SDK1: variants seen among roughly 807,000 people sequenced by gnomAD.
SDK1 encodes sidekick cell adhesion molecule 1, also known as protein sidekick-1.
In SDK1, 157 loss-of-function variants were observed where a neutral mutation model predicts 245.5. The ratio of observed to expected loss-of-function variants is 0.64; its 90% confidence interval spans 0.56 to 0.73. The LOEUF is 0.73. SDK1 is among the 30% of genes least tolerant of loss of function. The pLI, the probability that SDK1 is intolerant of heterozygous loss-of-function variation, is 0.00. For synonymous variants in SDK1, 1,647 were observed against 1,278.5 expected (o/e 1.29, Z -6.15); for missense variants, 3,583 against 3,002.3 (o/e 1.19, Z -4.52).
At chr7:3,820,632 T>C (rs1042589394) in intron 4 of SDK1, among the ~76,000 whole-genome samples, 1 of 152,240 alleles carries the variant, frequency 6.6e-6, no homozygotes, top group African/African-American at 2.4e-5. Flanking sequence ...TGAGAGTCTT[T>C]CTATGGTATG....
chr7:3,520,725 C>G (rs187013726), intron 1 of SDK1, among the ~76,000 whole-genome samples: 6 of 152,084 alleles, frequency 3.9e-5, no homozygotes, highest in African/African-American at 1.4e-4. Context: ...GAGGGTATGT[C>G]GATACTTGAA....
At position 3,678,717 on chromosome 7, in the gene SDK1, A is replaced by G. The variant is rs146014616; in HGVS notation, c.713+36612A>G. Reference sequence around the variant, plus strand: ...CTGGATAGAAATAGTGGTGATATGCACAACACTGTGAATGTACTTAACACT... The same window carrying G: ...CTGGATAGAAATAGTGGTGATATGCGCAACACTGTGAATGTACTTAACACT... On this transcript the variant is annotated intron_variant, in intron 4 of 44. Transcript: ENST00000404826. 3.6e-3 allele frequency among the ~76,000 whole-genome samples: 541 copies of G among 152,346 alleles called. 4 individuals carry two copies. The highest frequency in any genetic ancestry group is 0.012 in the African/African-American group (507 of 41,584).
intron 4 of SDK1, among the ~76,000 whole-genome samples, chr7:3,646,010 CACT>C (rs1365470236): frequency 6.6e-6 from 1 of 152,112 alleles, no homozygotes; most frequent in Non-Finnish European, 1.5e-5. Flanking sequence ...AGGCGCACCC[CACT>C]ATGCCCAGCT....
intron 4 of SDK1, among the ~76,000 whole-genome samples, chr7:3,720,944 A>G (rs995119822): frequency 7.9e-5 from 12 of 152,242 alleles, no homozygotes; most frequent in African/African-American, 2.7e-4. Context: ...GATACACACA[A>G]CTGGGATAGA....
chr7:3,312,922 A>G (rs1779584516), intron 1 of SDK1, among the ~76,000 whole-genome samples: 1 of 152,198 alleles, frequency 6.6e-6, no homozygotes, highest in South Asian at 2.1e-4. Context: ...ATAAAAATAA[A>G]TTCATACCTA....
At chr7:3,912,498 C>T (rs1392573672) in intron 5 of SDK1, among the ~76,000 whole-genome samples, 1 of 152,272 alleles carries the variant, frequency 6.6e-6, no homozygotes, top group Non-Finnish European at 1.5e-5. Flanking sequence ...AGAAGAAAGG[C>T]CAGTGAGAGG....
chr7:3,837,649 A>ATT lies in SDK1; in HGVS notation c.847+16068_847+16069dup, dbSNP rs10659410. On this transcript the variant is annotated intron_variant, in intron 5 of 44. Transcript: ENST00000404826. ...TTCTACATTAGCTGGCTCTGGAAGC[A>ATT]TTTGAGGTATGACCCATGATCCAAT... Among the ~76,000 whole-genome samples the ATT allele has an allele frequency of 7.1e-3, 1,086 of 152,308 alleles. 14 individuals carry two copies. The highest frequency in any genetic ancestry group is 0.024 in the African/African-American group (1,010 of 41,580).
At chr7:4,125,721 C>G (rs544117150) in intron 25 of SDK1, among the ~76,000 whole-genome samples, 2 of 152,328 alleles carry the variant, frequency 1.3e-5, no homozygotes, top group East Asian at 1.9e-4. Context: ...TGCTTTCATT[C>G]TCACTCTAAA....
chr7:4,170,244 C>T (rs60138361), intron 32 of SDK1, among the ~76,000 whole-genome samples: 3,720 of 152,202 alleles, frequency 0.024, 167 homozygotes, highest in African/African-American at 0.084. Flanking sequence ...CCCAGTAGTT[C>T]GAGACCAGCC....
intron 1 of SDK1, among the ~76,000 whole-genome samples, chr7:3,608,632 A>G (rs1781495827): frequency 1.3e-5 from 2 of 152,072 alleles, no homozygotes; most frequent in African/African-American, 4.8e-5. Flanking sequence ...GATATTTTTT[A>G]CATTGTATAA....
chr7:3,846,840 C>A (rs1780291275), intron 5 of SDK1, among the ~76,000 whole-genome samples: 1 of 152,092 alleles, frequency 6.6e-6, no homozygotes, highest in South Asian at 2.1e-4. Flanking sequence ...CAGCCCTCTC[C>A]CCTCTCCACG....
At chr7:3,705,485 T>TTGC (rs1784859804) in intron 4 of SDK1, among the ~76,000 whole-genome samples, 2 of 144,510 alleles carry the variant, frequency 1.4e-5, no homozygotes, top group African/African-American at 5.3e-5. Context: ...TATTTTATTT[T>TTGC]ATTTTATTTT....
intron 35 of SDK1, among the ~76,000 whole-genome samples, chr7:4,195,382 G>A (rs1477305763): frequency 6.6e-6 from 1 of 152,110 alleles, no homozygotes. Flanking sequence ...CTCTGCCCTG[G>A]CTGCTGCAGC....
chr7:3,555,718 C>G (rs1387236092), intron 1 of SDK1, among the ~76,000 whole-genome samples: 6 of 152,066 alleles, frequency 3.9e-5, no homozygotes, highest in East Asian at 1.9e-4. Flanking sequence ...TCAAGCAACT[C>G]TATAGGAAAA....
intron 1 of SDK1, among the ~76,000 whole-genome samples, chr7:3,596,595 C>G (rs1045300891): frequency 6.6e-6 from 1 of 152,222 alleles, no homozygotes; most frequent in African/African-American, 2.4e-5. Flanking sequence ...CAAGTTCCCT[C>G]AGGCCCTTCC....
chr7:4,150,546 G>A (rs982045726), intron 30 of SDK1, among the ~76,000 whole-genome samples: 4 of 152,202 alleles, frequency 2.6e-5, no homozygotes, highest in African/African-American at 4.8e-5. Flanking sequence ...CAGAAAAGTC[G>A]GTCATTTGCT....
chr7:4,237,285 A>G (rs192787307), intron 41 of SDK1, among the ~76,000 whole-genome samples: 64 of 151,928 alleles, frequency 4.2e-4, no homozygotes, highest in South Asian at 4.2e-4. Context: ...TTTTAAACAG[A>G]TGAAATTAAG....
intron 1 of SDK1, among the ~76,000 whole-genome samples, chr7:3,475,725 T>G (rs1781330262): frequency 1.3e-5 from 2 of 152,196 alleles, no homozygotes; most frequent in African/African-American, 2.4e-5. Flanking sequence ...AGTCAAGATT[T>G]ATGAATCATT....
chr7:3,446,164 G>C (rs1245535237), intron 1 of SDK1, among the ~76,000 whole-genome samples: 2 of 152,050 alleles, frequency 1.3e-5, no homozygotes, highest in East Asian at 3.9e-4. Flanking sequence ...TCTTTCTCAA[G>C]ACATGCTAAT....
Sources: gnomAD v4.1 joint callset for allele counts (sites outside exome capture counted in the v4.1 genomes callset) on GRCh38, gnomAD v4.1.1 for gene constraint, MANE v1.5 for transcripts, NCBI Gene and HGNC (gene_info 2026-07-23, HGNC 2026-07-21) for gene names.